The following CACNA2D1 variants were observed in gnomAD, a reference collection of about 807,000 sequenced individuals.
The protein encoded by CACNA2D1 is voltage-dependent calcium channel subunit alpha-2/delta-1.
A neutral mutation model predicts 171.5 loss-of-function variants in CACNA2D1; 53 were observed. The ratio of observed to expected loss-of-function variants is 0.31; its 90% CI spans 0.25 to 0.39. The LOEUF (loss-of-function observed/expected upper bound fraction) is 0.39. CACNA2D1 is among the 10% of genes least tolerant of loss of function. The pLI, the probability that CACNA2D1 is intolerant of heterozygous loss-of-function variation, is 1.00. For missense variants in CACNA2D1, 903 were observed against 1,299.8 expected (o/e 0.69, Z 4.69); for synonymous variants, 442 against 443.1 (o/e 1.00, Z 0.03).
chr7:82,428,414 T>G lies in CACNA2D1; in HGVS notation c.95+14951A>C, dbSNP rs570087646. On this transcript the variant is annotated intron_variant, in intron 1 of 38. Transcript: ENST00000356860. Reference sequence around the variant, plus strand: ...ATAAGCAAGGAACCATCTGTTGCATTTTATTTATTTATTTTATGACTTGGA... The same window carrying G: ...ATAAGCAAGGAACCATCTGTTGCATGTTATTTATTTATTTTATGACTTGGA... Among the ~76,000 whole-genome samples the G allele has an allele frequency of 2.6e-5, 4 of 152,242 alleles. No homozygotes were observed. In the East Asian group the frequency reaches 7.7e-4, roughly 29 times the overall value.
At chr7:82,399,206 AAGGTG>A (rs1404652504) in intron 1 of CACNA2D1, among the ~76,000 whole-genome samples, 1 of 152,102 alleles carries the variant, frequency 6.6e-6, no homozygotes, top group East Asian at 1.9e-4. Context: ...TTGGGAGGCC[AAGGTG>A]GGCGCATCGC....
intron 3 of CACNA2D1, among the ~76,000 whole-genome samples, chr7:82,184,606 C>T (rs1389448829): frequency 3.3e-5 from 5 of 152,008 alleles, no homozygotes; most frequent in East Asian, 1.9e-4. Context: ...TTTCCACTCA[C>T]GTTTTTTAGA....
At chr7:82,349,719 T>C (rs1258366172) in intron 1 of CACNA2D1, 70 bp from the exon 2 acceptor site, 2 of 1,146,000 alleles carry the variant, frequency 1.7e-6, no homozygotes, top group Non-Finnish European at 2.6e-6. Context: ...TGATATTTTA[T>C]ATCCACGCTA....
chr7:82,066,929 A>G (rs1026841369), intron 7 of CACNA2D1, among the ~76,000 whole-genome samples: 1 of 152,094 alleles, frequency 6.6e-6, no homozygotes, highest in Non-Finnish European at 1.5e-5. Context: ...CTTGGTCTAT[A>G]TAAGACAGCT....
At chr7:81,987,035 T>C (rs919036132) in intron 21 of CACNA2D1, among the ~76,000 whole-genome samples, 2 of 152,118 alleles carry the variant, frequency 1.3e-5, no homozygotes, top group Non-Finnish European at 2.9e-5. Context: ...TTGGGTTACA[T>C]CTAATATACC....
chr7:81,992,328 A>C (rs1052871561), intron 20 of CACNA2D1, among the ~76,000 whole-genome samples: 2 of 152,090 alleles, frequency 1.3e-5, no homozygotes, highest in African/African-American at 4.8e-5. Context: ...ATGAAGAAAT[A>C]AGTGTTAAAG....
At chr7:82,218,831 T>C (rs1801453475) in intron 3 of CACNA2D1, among the ~76,000 whole-genome samples, 1 of 152,132 alleles carries the variant, frequency 6.6e-6, no homozygotes, top group South Asian at 2.1e-4. Flanking sequence ...CACACTGATC[T>C]ATCTACTCAT....
rs562977240 is a variant in CACNA2D1, at chr7:82,363,403, T to A, written c.96-13754A>T. On this transcript the variant is annotated intron_variant, in intron 1 of 38. Coordinates refer to ENST00000356860, the MANE Select transcript of CACNA2D1 (RefSeq NM_000722.4). ...CCTCAGCCTCCCCAGTAGCTGGGAC[T>A]ACAGGCACCTGCCACCACTTCCGGC... is the stretch of plus-strand genomic sequence containing the variant. Among the ~76,000 whole-genome samples, 5 of 151,974 alleles carry A rather than the reference T, an allele frequency of 3.3e-5. No homozygotes were observed. In the East Asian group the frequency reaches 9.7e-4, roughly 30 times the overall value.
At chr7:82,150,028 G>A (rs1793643371) in intron 4 of CACNA2D1, among the ~76,000 whole-genome samples, 1 of 151,752 alleles carries the variant, frequency 6.6e-6, no homozygotes, top group South Asian at 2.1e-4. Context: ...GATGTGGGCA[G>A]GGAACCAACA....
intron 3 of CACNA2D1, among the ~76,000 whole-genome samples, chr7:82,194,158 G>A (rs1798617653): frequency 6.6e-6 from 1 of 152,028 alleles, no homozygotes; most frequent in Admixed American, 6.6e-5. Flanking sequence ...GAGTTGGCAT[G>A]AGCCAGTGAC....
chr7:81,964,306 A>G lies in CACNA2D1; in HGVS notation c.2628T>C (p.Asn876=). 6.2e-7 allele frequency: 1 copy of G among 1,612,058 alleles called. No homozygotes were observed. Residue 876 remains asparagine, a synonymous_variant, in exon 33 of 39, where the codon AAT becomes AAC. Coordinates refer to ENST00000356860, the MANE Select transcript of CACNA2D1 (RefSeq NM_000722.4). ...ATTTGTTAAAAGCATAAACTGATAT[A>G]TTAACCAGGTGTCTCATCAAGCTGG... ...IDPSLMRHLV[N]ISVYAFNKSY...
chr7:82,405,717 G>A (rs907216885), intron 1 of CACNA2D1, among the ~76,000 whole-genome samples: 2 of 152,054 alleles, frequency 1.3e-5, no homozygotes, highest in Non-Finnish European at 2.9e-5. Flanking sequence ...GTGGTGTCTG[G>A]TGGAATACAT....
intron 10 of CACNA2D1, among the ~76,000 whole-genome samples, chr7:82,057,174 C>T (rs1806009769): frequency 6.6e-6 from 1 of 152,092 alleles, no homozygotes; most frequent in African/African-American, 2.4e-5. Context: ...AACTTAAAAG[C>T]CAGTTAACCT....
intron 3 of CACNA2D1, among the ~76,000 whole-genome samples, chr7:82,322,396 C>A (rs929840231): frequency 6.9e-6 from 1 of 145,490 alleles, no homozygotes; most frequent in Non-Finnish European, 1.5e-5. Context: ...GGGAGGATCC[C>A]CTGAAGTCAA....
intron 7 of CACNA2D1, 110 bp from the exon 8 acceptor site, chr7:82,066,634 T>C: frequency 7.0e-7 from 1 of 1,422,120 alleles, no homozygotes; most frequent in Non-Finnish European, 9.4e-7. Flanking sequence ...TTCACTTACG[T>C]ACTTCAATGT....
chr7:82,379,922 A>C (rs1230168579), intron 1 of CACNA2D1, among the ~76,000 whole-genome samples: 1 of 152,126 alleles, frequency 6.6e-6, no homozygotes, highest in Non-Finnish European at 1.5e-5. Context: ...TTTTCCATTA[A>C]AAATAAGTAA....
intron 14 of CACNA2D1, 117 bp downstream of exon 14, chr7:82,013,344 G>T: frequency 3.0e-5 from 9 of 296,198 alleles, no homozygotes; most frequent in South Asian, 8.3e-5. Flanking sequence ...TTTAATATAG[G>T]TGTAATATTA....
At chr7:82,381,531 A>G (rs890289820) in intron 1 of CACNA2D1, among the ~76,000 whole-genome samples, 2 of 151,946 alleles carry the variant, frequency 1.3e-5, no homozygotes, top group African/African-American at 4.8e-5. Flanking sequence ...ATGTCTCAAA[A>G]CCCTGCAAAA....
At chr7:82,020,728 A>G (rs1343986116) in intron 12 of CACNA2D1, 1 of 152,132 alleles carries the variant, frequency 6.6e-6, no homozygotes, top group Non-Finnish European at 1.5e-5. Flanking sequence ...AACTCTAATG[A>G]AAAAGGGTAT....
Sources: gnomAD v4.1 joint callset for allele counts (sites outside exome capture counted in the v4.1 genomes callset) on GRCh38, gnomAD v4.1.1 for gene constraint, MANE v1.5 for transcripts, NCBI Gene and HGNC (gene_info 2026-07-23, HGNC 2026-07-21) for gene names.